The following PARD3 variants were observed in gnomAD, a reference collection of about 807,000 sequenced individuals.
The protein encoded by PARD3 is par-3 family cell polarity regulator, also known as partitioning defective 3 homolog.
A neutral mutation model predicts 155.4 loss-of-function variants in PARD3; 75 were observed. The ratio of observed to expected loss-of-function variants is 0.48; its 90% confidence interval spans 0.40 to 0.58. PARD3 has a LOEUF of 0.58. Among genes scored for constraint, PARD3 ranks in the 20% least tolerant of loss-of-function variants. PARD3 has a pLI of 0.00. For missense variants in PARD3, 1,642 were observed against 1,721.7 expected (o/e 0.95, Z 0.82); for synonymous variants, 576 against 610.5 (o/e 0.94, Z 0.83).
At chr10:34,812,317 C>G (rs1844285876) in intron 1 of PARD3, among the ~76,000 whole-genome samples, 1 of 152,180 alleles carries the variant, frequency 6.6e-6, no homozygotes, top group Non-Finnish European at 1.5e-5. Context: ...CCACACTTTT[C>G]CCCACCAGAT....
intron 2 of PARD3, among the ~76,000 whole-genome samples, chr10:34,577,851 T>A (rs1398508128): frequency 2.1e-5 from 2 of 93,100 alleles, no homozygotes; most frequent in African/African-American, 3.2e-5. Context: ...TAGAATAAAC[T>A]TTTTTTTTTT....
rs1039919113 is a variant in PARD3, at chr10:34,617,864, AT to A, written c.222+78453del. ...CTAGAGAGATCAAAATTATACATTTATTTTTTTTTACTTTTTTATTTCTCAG... is the reference window on the plus strand; with the variant it reads ...CTAGAGAGATCAAAATTATACATTTATTTTTTTTACTTTTTTATTTCTCAG... On this transcript the variant is annotated intron_variant, in intron 2 of 24. Transcript: ENST00000374788. Among the ~76,000 whole-genome samples the A allele has an allele frequency of 5.4e-5, 8 of 147,938 alleles. No individual in the cohort carries two copies. The East Asian group carries it at 9.7e-4, about 18-fold the overall frequency.
At chr10:34,187,430 T>C (rs1950536248) in intron 22 of PARD3, among the ~76,000 whole-genome samples, 1 of 152,218 alleles carries the variant, frequency 6.6e-6, no homozygotes, top group Non-Finnish European at 1.5e-5. Context: ...AGCTCCACTT[T>C]GAACAAAGGC....
intron 1 of PARD3, among the ~76,000 whole-genome samples, chr10:34,795,222 G>C (rs951239248): frequency 2.0e-5 from 3 of 152,242 alleles, no homozygotes; most frequent in African/African-American, 7.2e-5. Context: ...TGCTTGCACT[G>C]AAGGACACTG....
intron 2 of PARD3, among the ~76,000 whole-genome samples, chr10:34,565,074 T>C (rs1304500026): frequency 6.6e-6 from 1 of 151,328 alleles, no homozygotes; most frequent in East Asian, 1.9e-4. Context: ...AGCAATACTG[T>C]CTATAAAATG....
intron 22 of PARD3, among the ~76,000 whole-genome samples, chr10:34,192,178 C>A (rs149323987): frequency 3.3e-5 from 5 of 152,062 alleles, no homozygotes; most frequent in African/African-American, 1.2e-4. Context: ...AGTGATCCTC[C>A]CACCTTAGCC....
intron 2 of PARD3, among the ~76,000 whole-genome samples, chr10:34,611,395 G>A (rs1025924861): frequency 6.6e-6 from 1 of 152,140 alleles, no homozygotes; most frequent in Non-Finnish European, 1.5e-5. Context: ...ACCTAACCAT[G>A]TACTATCCGA....
chr10:34,261,880 T>C (rs1470056236), intron 22 of PARD3, among the ~76,000 whole-genome samples: 1 of 152,006 alleles, frequency 6.6e-6, no homozygotes, highest in Non-Finnish European at 1.5e-5. Flanking sequence ...TTTAGGAATA[T>C]GACACCTGCA....
At chr10:34,288,760 A>C (rs903965857) in intron 20 of PARD3, among the ~76,000 whole-genome samples, 3 of 152,218 alleles carry the variant, frequency 2.0e-5, no homozygotes, top group African/African-American at 7.2e-5. Flanking sequence ...TAGCTGAAGA[A>C]ATACTGTGTT....
At chr10:34,278,113 C>A (rs1377036775) in intron 21 of PARD3, among the ~76,000 whole-genome samples, 1 of 151,988 alleles carries the variant, frequency 6.6e-6, no homozygotes, top group Non-Finnish European at 1.5e-5. Flanking sequence ...GTAGTATAAT[C>A]ATAGCTCACT....
intron 19 of PARD3, among the ~76,000 whole-genome samples, chr10:34,319,299 G>T (rs906428002): frequency 7.3e-5 from 11 of 151,700 alleles, no homozygotes; most frequent in African/African-American, 2.2e-4. Flanking sequence ...ATGTTGGCCA[G>T]GATGGTCTCG....
At chr10:34,633,138 T>G (rs193232502) in intron 2 of PARD3, among the ~76,000 whole-genome samples, 7 of 152,308 alleles carry the variant, frequency 4.6e-5, no homozygotes, top group Non-Finnish European at 1.0e-4. Context: ...AACTAACATT[T>G]CCATCCCCTC....
chr10:34,478,427 A>G (rs922590502), intron 3 of PARD3, among the ~76,000 whole-genome samples: 2 of 152,250 alleles, frequency 1.3e-5, no homozygotes, highest in African/African-American at 4.8e-5. Flanking sequence ...CACTTGAAAC[A>G]ACAGGTGATT....
chr10:34,340,616 C>T (rs753947384), intron 16 of PARD3, among the ~76,000 whole-genome samples: 1 of 152,126 alleles, frequency 6.6e-6, no homozygotes, highest in Non-Finnish European at 1.5e-5. Context: ...TCCAAGAGAA[C>T]ATCTTCATAA....
At chr10:34,487,422 C>T (rs773981) in intron 3 of PARD3, among the ~76,000 whole-genome samples, 66,649 of 151,632 alleles carry the variant, frequency 0.44, 15,586 homozygotes, top group African/African-American at 0.61. Context: ...AAATGAATGA[C>T]TTCCATCTTG....
At chr10:34,473,031 A>T (rs2078457790) in intron 3 of PARD3, among the ~76,000 whole-genome samples, 2 of 152,268 alleles carry the variant, frequency 1.3e-5, no homozygotes, top group African/African-American at 4.8e-5. Flanking sequence ...AGGGGATTTG[A>T]GAAGAGGAAG....
In PARD3 at chr10:34,374,935, A is replaced by G; in HGVS notation, c.1607T>C (p.Met536Thr). Residue 536 changes from methionine to threonine, a missense_variant, in exon 11 of 25, where the codon ATG becomes ACG. Coordinates refer to ENST00000374788, the MANE Select transcript of PARD3 (RefSeq NM_001184785.2). ...GACCAGAAGGCTCACAGTTCCTTCC[A>G]TCTTGGTGCTTCTCAACAGCGAAAC... The part of the protein sequence containing the change: ...EVVSLLRSTK[M>T]EGTVSLLVFR... 1 of 1,613,920 alleles carries G rather than the reference A, an allele frequency of 6.2e-7. No individual in the cohort carries two copies. Among genetic ancestry groups the G allele is most frequent in the Non-Finnish European group, 8.5e-7 (1 of 1,179,858 alleles).
rs1407119308 is a variant in PARD3, at chr10:34,798,828, G to A, written c.120+16048C>T. ...GGAAATTTCCATGCACAGTCCAAAG[G>A]CGAGCAGGGTTGCAAATCACATAAT... On this transcript the variant is annotated intron_variant, in intron 1 of 24. Transcript: ENST00000374788. Among the ~76,000 whole-genome samples, 30 of 152,046 alleles carry A rather than the reference G, an allele frequency of 2.0e-4. 1 individual carries two copies. Among genetic ancestry groups the A allele is most frequent in the Admixed American group, 2.0e-3 (30 of 15,258 alleles).
At chr10:34,373,094 C>T (rs1032463121) in intron 11 of PARD3, among the ~76,000 whole-genome samples, 10 of 151,900 alleles carry the variant, frequency 6.6e-5, no homozygotes, top group African/African-American at 2.2e-4. Flanking sequence ...GATTTAGACA[C>T]ACAGAATTTA....
Sources: allele counts gnomAD v4.1 joint callset (sites outside exome capture counted in the v4.1 genomes callset), GRCh38; gene constraint gnomAD v4.1.1; transcripts MANE v1.5; gene names NCBI Gene and HGNC (gene_info 2026-07-23, HGNC 2026-07-21).